The following IL17RC variants were observed in gnomAD, a reference collection of about 807,000 sequenced individuals.
IL17RC encodes interleukin 17 receptor C.
Under a neutral mutation model 86.7 loss-of-function variants are expected in IL17RC, and 53 were observed. That is an observed-to-expected ratio of 0.61 (90% CI 0.49 to 0.77). The LOEUF is 0.77. IL17RC is among the 30% of genes least tolerant of loss of function. The probability of loss-of-function intolerance (pLI) is 0.00; values close to 1 mark genes in which losing one functional copy is unlikely to be tolerated. For missense variants in IL17RC, 957 were observed against 940.0 expected (o/e 1.02, Z -0.24); for synonymous variants, 439 against 413.1 (o/e 1.06, Z -0.76).
At position 9,928,313 on chromosome 3, in the gene IL17RC, G is replaced by A. The variant is rs776089912; in HGVS notation, c.886G>A (p.Ala296Thr). 5 of 1,607,378 alleles carry A rather than the reference G, an allele frequency of 3.1e-6. No homozygotes were observed. The highest frequency in any genetic ancestry group is 1.3e-5 in the African/African-American group (1 of 74,936). Residue 296 changes from alanine to threonine, a missense_variant, in exon 11 of 19, where the codon GCA (alanine) becomes ACA (threonine). Transcript: ENST00000403601. ...GTGCCCTTTCCTTGCAGACCCCCGC[G>A]CACACCAGAACCTCTGGCAAGCCGC... is the stretch of plus-strand genomic sequence containing the variant. ...NICPFREDPRAHQNLWQAARL... is the reference protein window; with the variant it reads ...NICPFREDPRTHQNLWQAARL...
chr3:9,926,496 T>TA (rs200872557), intron 9 of IL17RC, among the ~76,000 whole-genome samples: 1,737 of 152,330 alleles, frequency 0.011, 31 homozygotes, highest in African/African-American at 0.04. Flanking sequence ...TTATCCTTAC[T>TA]ACAAGTGTGA....
Position 9,932,817 on chromosome 3 carries a change from CAG to C in IL17RC, c.1484-2_1484-1del. 1.9e-6 allele frequency: 3 copies of C among 1,568,834 alleles called. No homozygotes were observed. Among genetic ancestry groups the C allele is most frequent in the Non-Finnish European group, 2.6e-6 (3 of 1,160,362 alleles). On this transcript the variant is annotated splice_acceptor_variant, in intron 17 of 18. Coordinates refer to ENST00000403601, the MANE Select transcript of IL17RC (RefSeq NM_153460.4). LOFTEE classifies it high-confidence loss of function. ...GGCTGCCTCCGCCCCTCTCCCCTAA[CAG>C]GGTGGCTGAGGCTCTTGAAACAGGA...
At chr3:9,931,082 C>G in intron 16 of IL17RC, 139 bp downstream of exon 16, 1 of 768,788 alleles carries the variant, frequency 1.3e-6, no homozygotes, top group Non-Finnish European at 2.3e-6. Flanking sequence ...TTCATTCACT[C>G]AAAAAATGAT....
rs746367814 is a variant in IL17RC at position 9,920,910 on chromosome 3, G to A, written c.578-15G>A. The stretch of plus-strand genomic sequence containing the variant: ...CCCCAGCCCCACTGGAGGCTCTTCT[G>A]TGATCTCTCCTCAGACTGCAGGGGG... On this transcript the variant is annotated splice_polypyrimidine_tract_variant and intron_variant, in intron 6 of 18. Transcript: ENST00000403601. 1.2e-6 allele frequency: 2 copies of A among 1,607,962 alleles called. No individual in the cohort carries two copies. Among genetic ancestry groups the A allele is most frequent in the African/African-American group, 1.3e-5 (1 of 74,920 alleles).
rs74597590 is a variant in IL17RC, at chr3:9,918,111, C to T, written c.280+36C>T. 6,897 of 1,548,020 alleles carry T rather than the reference C, an allele frequency of 4.5e-3. 233 individuals are homozygous for T. The African/African-American group carries it at 0.079, about 18-fold the overall frequency. On this transcript the variant is annotated intron_variant, in intron 3 of 18. Coordinates refer to ENST00000403601, the MANE Select transcript of IL17RC (RefSeq NM_153460.4). Reference sequence around the variant, plus strand: ...CATCCTGTGACAGTGCATGTGTACACGTGAGTGTGTCTGGGGTGGGCATGA... The same window carrying T: ...CATCCTGTGACAGTGCATGTGTACATGTGAGTGTGTCTGGGGTGGGCATGA...
At chr3:9,920,385 G>T in intron 5 of IL17RC, 106 bp from the exon 6 acceptor site, 1 of 686,726 alleles carries the variant, frequency 1.5e-6, no homozygotes, top group Non-Finnish European at 2.7e-6. Context: ...GTCATTAGTT[G>T]GGGGAGGAGG....
intron 7 of IL17RC, among the ~76,000 whole-genome samples, chr3:9,922,339 T>C (rs1156974125): frequency 6.6e-6 from 1 of 152,224 alleles, no homozygotes; most frequent in Admixed American, 6.5e-5. Flanking sequence ...TGTGATGTTT[T>C]CTGAACTACT....
intron 9 of IL17RC, among the ~76,000 whole-genome samples, chr3:9,927,539 C>A (rs1313942788): frequency 6.6e-6 from 1 of 152,070 alleles, no homozygotes; most frequent in Admixed American, 6.6e-5. Flanking sequence ...GCCTGGGCAA[C>A]AGAGTGAGAT....
Position 9,920,934 on chromosome 3 carries a change from G to T in IL17RC, c.587G>T (p.Gly196Val), listed in dbSNP as rs772677090. 4 of 1,607,460 alleles carry T rather than the reference G, an allele frequency of 2.5e-6. No individual in the cohort carries two copies. The highest frequency in any genetic ancestry group is 1.7e-5 in the Admixed American group (1 of 58,374). Residue 196 changes from glycine to valine, a missense_variant, in exon 7 of 19, where the codon GGG (glycine) becomes GTG (valine). Gly to Val is a moderately radical substitution (Grantham distance 109). Transcript: ENST00000403601. Reference sequence around the variant, plus strand: ...TGTGATCTCTCCTCAGACTGCAGGGGGCTCGAAGTCTGGAACAGCATCCCG... The same window carrying T: ...TGTGATCTCTCCTCAGACTGCAGGGTGCTCGAAGTCTGGAACAGCATCCCG... ...NHTQQLPDCRGLEVWNSIPSC... is the reference protein window; with the variant it reads ...NHTQQLPDCRVLEVWNSIPSC...
Position 9,918,554 on chromosome 3 carries a change from G to A in IL17RC, c.410G>A (p.Cys137Tyr). Residue 137 changes from cysteine (C) to tyrosine (Y), a missense_variant, in exon 5 of 19, where the codon TGC becomes TAC. Cys to Tyr is a radical substitution (Grantham distance 194, BLOSUM62 -2). Coordinates refer to ENST00000403601, the MANE Select transcript of IL17RC (RefSeq NM_153460.4). Reference sequence around the variant, plus strand: ...TTCCAGGCCTACCCTACTGCCCGCTGCGTCCTGCTGGAGGTGCAAGTGCCT... The same window carrying A: ...TTCCAGGCCTACCCTACTGCCCGCTACGTCCTGCTGGAGGTGCAAGTGCCT... The part of the protein sequence containing the change: ...LSFQAYPTAR[C>Y]VLLEVQVPAA... 5.6e-6 allele frequency: 9 copies of A among 1,614,206 alleles called. No individual in the cohort carries two copies. The highest frequency in any genetic ancestry group is 7.6e-6 in the Non-Finnish European group (9 of 1,180,048).
intron 9 of IL17RC, among the ~76,000 whole-genome samples, chr3:9,926,069 T>C (rs2084043197): frequency 1.3e-5 from 2 of 150,488 alleles, no homozygotes; most frequent in South Asian, 4.2e-4. Context: ...AGTTTCACTC[T>C]TTTGCCCAGG....
At chr3:9,927,395 T>C (rs1022383756) in intron 9 of IL17RC, among the ~76,000 whole-genome samples, 2 of 151,332 alleles carry the variant, frequency 1.3e-5, no homozygotes, top group Non-Finnish European at 2.9e-5. Flanking sequence ...CAGTCTCTAC[T>C]AAAAGTACAA....
At chr3:9,925,327 A>G (rs1223707532) in intron 9 of IL17RC, among the ~76,000 whole-genome samples, 1 of 151,874 alleles carries the variant, frequency 6.6e-6, no homozygotes, top group Non-Finnish European at 1.5e-5. Flanking sequence ...CGTGTTAGCC[A>G]GGATGGTCTC....
At chr3:9,922,897 C>T (rs931066384) in intron 7 of IL17RC, among the ~76,000 whole-genome samples, 4 of 151,956 alleles carry the variant, frequency 2.6e-5, no homozygotes, top group African/African-American at 9.7e-5. Flanking sequence ...AGGAGGGGGC[C>T]GGGCGCGGTG....
At chr3:9,928,089 T>C in intron 9 of IL17RC, 77 bp from the exon 10 acceptor site, 1 of 1,359,462 alleles carries the variant, frequency 7.4e-7, no homozygotes, top group Non-Finnish European at 1.0e-6. Flanking sequence ...GCTGAATGAG[T>C]GCATCCCCAC....
At position 9,917,410 on chromosome 3, in the gene IL17RC, A is replaced by G. The variant is rs758176244; in HGVS notation, c.95A>G (p.His32Arg). ...ERLVGPQDAT[H>R]CSPGLSCRLW... is the part of the protein sequence containing the mutation. ...CTTGTGGGGCCTCAGGACGCTACCC[A>G]CTGCTCTCCGGTGAGTCTGGAACCC... Residue 32 changes from histidine (H) to arginine (R), a missense_variant, in exon 1 of 19, where the codon CAC (histidine) becomes CGC (arginine). Physicochemically the swap from His to Arg is conservative, Grantham distance 29 (BLOSUM62 0). Coordinates refer to ENST00000403601, the MANE Select transcript of IL17RC (RefSeq NM_153460.4). The G allele has an allele frequency of 1.9e-5, 30 of 1,613,818 alleles. No individual in the cohort carries two copies. Among genetic ancestry groups the G allele is most frequent in the Non-Finnish European group, 2.0e-5 (24 of 1,179,948 alleles).
chr3:9,931,346 T>C (rs2084635656), intron 16 of IL17RC, among the ~76,000 whole-genome samples: 2 of 151,400 alleles, frequency 1.3e-5, no homozygotes, highest in South Asian at 4.2e-4. Context: ...AGATACAGGG[T>C]CTTGGACAGG....
At position 9,928,394 on chromosome 3, in the gene IL17RC, C is replaced by CCG; in HGVS notation, c.968_969insGC (p.Ala324ProfsTer39). 1 of 1,604,618 alleles carries CCG rather than the reference C, an allele frequency of 6.2e-7. No individual in the cohort carries two copies. The highest frequency in any genetic ancestry group is 1.7e-5 in the Admixed American group (1 of 58,908). ...GCTGCTGGACGCACCGTGCTCGCTG[C>CCG]CCGCAGAAGCGGCACTGTGCTGGCG... On this transcript the variant is annotated frameshift_variant, in exon 11 of 19. Transcript: ENST00000403601. LOFTEE classifies it high-confidence loss of function.
intron 9 of IL17RC, among the ~76,000 whole-genome samples, chr3:9,924,869 A>G (rs1408094009): frequency 6.7e-6 from 1 of 150,280 alleles, no homozygotes; most frequent in African/African-American, 2.5e-5. Flanking sequence ...TGGCACAATC[A>G]TGGCACACTG....
Sources: allele counts gnomAD v4.1 joint callset (sites outside exome capture counted in the v4.1 genomes callset), GRCh38; gene constraint gnomAD v4.1.1; transcripts MANE v1.5; gene names NCBI Gene and HGNC (gene_info 2026-07-23, HGNC 2026-07-21).